The following ATP8A2 variants were observed in gnomAD, a reference collection of about 807,000 sequenced individuals.
The protein encoded by ATP8A2 is phospholipid-transporting ATPase IB.
ATP8A2 carries 100 observed loss-of-function variants against 165.6 expected under a neutral mutation model. That is an observed-to-expected ratio of 0.60 (90% CI 0.51 to 0.71). The LOEUF is 0.71. Ranked by LOEUF, ATP8A2 falls within the 30% of genes least tolerant of loss-of-function variation. ATP8A2 has a pLI of 0.00. For synonymous variants in ATP8A2, 543 were observed against 548.8 expected, an observed-to-expected ratio of 0.99 and a Z score of 0.15; for missense variants, 1,227 against 1,479.5, an observed-to-expected ratio of 0.83 and a Z score of 2.80.
chr13:25,424,501 G>C (rs1232096438), intron 1 of ATP8A2, among the ~76,000 whole-genome samples: 1 of 152,170 alleles, frequency 6.6e-6, no homozygotes, highest in African/African-American at 2.4e-5. Flanking sequence ...CTCTGAGCAG[G>C]ATGTCTCAGT....
rs571345068 is a variant in ATP8A2 at position 25,814,689 on chromosome 13, A to G, written c.2680-13429A>G. On this transcript the variant is annotated intron_variant, in intron 27 of 36. Transcript: ENST00000381655. Reference sequence around the variant, plus strand: ...AAACTGGATATCCAGATGCAAAATAATGAAGTTGGACCCTTACTTAACACC... The same window carrying G: ...AAACTGGATATCCAGATGCAAAATAGTGAAGTTGGACCCTTACTTAACACC... 3.9e-5 allele frequency among the ~76,000 whole-genome samples: 6 copies of G among 152,082 alleles called. No homozygotes were observed. The East Asian group carries it at 1.2e-3, about 29-fold the overall frequency.
intron 1 of ATP8A2, among the ~76,000 whole-genome samples, chr13:25,426,986 G>A (rs1455823188): frequency 1.3e-5 from 2 of 152,078 alleles, no homozygotes; most frequent in African/African-American, 4.8e-5. Context: ...GTCAGTATCA[G>A]TTCATCACTT....
At chr13:25,557,444 T>A (rs1244065375) in intron 13 of ATP8A2, among the ~76,000 whole-genome samples, 1 of 152,210 alleles carries the variant, frequency 6.6e-6, no homozygotes, top group Non-Finnish European at 1.5e-5. Context: ...CCTGTAAGAA[T>A]CAGTGAGTTC....
chr13:25,399,900 A>ATTCTTCTCCTCCTTC (rs74222346), intron 1 of ATP8A2, among the ~76,000 whole-genome samples: 120,582 of 143,166 alleles, frequency 0.84, 50,715 homozygotes, highest in East Asian at 0.95. Context: ...TCCTCCTCTT[A>ATTCTTCTCCTCCTTC]TTCTTCTCCT....
intron 33 of ATP8A2, among the ~76,000 whole-genome samples, chr13:25,943,009 G>A (rs1488326273): frequency 2.0e-5 from 3 of 151,990 alleles, no homozygotes; most frequent in Non-Finnish European, 2.9e-5. Flanking sequence ...TCATGTCCCC[G>A]CTGAGAGTCT....
chr13:25,847,521 AG>A (rs1363561834), intron 30 of ATP8A2, among the ~76,000 whole-genome samples: 1 of 152,132 alleles, frequency 6.6e-6, no homozygotes, highest in African/African-American at 2.4e-5. Flanking sequence ...TATTTTAGAC[AG>A]TTGGGTTTGG....
At chr13:25,394,389 T>A (rs2033349105) in intron 1 of ATP8A2, among the ~76,000 whole-genome samples, 1 of 152,248 alleles carries the variant, frequency 6.6e-6, no homozygotes, top group South Asian at 2.1e-4. Flanking sequence ...TTTTGGTATC[T>A]GTGTTTTACT....
At chr13:25,469,180 C>T (rs546957142) in intron 2 of ATP8A2, 59 bp downstream of exon 2, 4 of 1,580,466 alleles carry the variant, frequency 2.5e-6, no homozygotes, top group Non-Finnish European at 2.6e-6. Flanking sequence ...GGAAGGGGCT[C>T]GTCCTCCTGC....
At chr13:25,900,917 A>C (rs772155464) in intron 33 of ATP8A2, among the ~76,000 whole-genome samples, 2 of 152,244 alleles carry the variant, frequency 1.3e-5, no homozygotes, top group Non-Finnish European at 2.9e-5. Flanking sequence ...TGACACATGG[A>C]AGCAGCAGGA....
At chr13:25,401,990 G>A (rs1405888708) in intron 1 of ATP8A2, among the ~76,000 whole-genome samples, 2 of 151,804 alleles carry the variant, frequency 1.3e-5, no homozygotes, top group African/African-American at 4.8e-5. Flanking sequence ...CCAAAATACA[G>A]AATATGGACA....
At chr13:25,862,858 A>G (rs1283320621) in intron 33 of ATP8A2, among the ~76,000 whole-genome samples, 1 of 152,150 alleles carries the variant, frequency 6.6e-6, no homozygotes, top group East Asian at 1.9e-4. Context: ...TCTATGAACC[A>G]GATCATTGAT....
intron 24 of ATP8A2, among the ~76,000 whole-genome samples, chr13:25,676,491 C>G (rs2042374758): frequency 6.6e-6 from 1 of 152,134 alleles, no homozygotes; most frequent in African/African-American, 2.4e-5. Context: ...CACGTGAACT[C>G]TGCCTCAGGA....
intron 1 of ATP8A2, among the ~76,000 whole-genome samples, chr13:25,450,195 G>C (rs1006220841): frequency 3.3e-5 from 5 of 152,170 alleles, no homozygotes; most frequent in African/African-American, 7.2e-5. Context: ...TGGTATATAT[G>C]TACCACATTT....
intron 24 of ATP8A2, among the ~76,000 whole-genome samples, chr13:25,616,512 A>G (rs2040831649): frequency 6.6e-6 from 1 of 151,668 alleles, no homozygotes; most frequent in Non-Finnish European, 1.5e-5. Flanking sequence ...TGTTATTTTT[A>G]GTAGAAATGG....
intron 33 of ATP8A2, among the ~76,000 whole-genome samples, chr13:25,899,107 G>A (rs868549643): frequency 5.3e-5 from 8 of 152,208 alleles, no homozygotes; most frequent in Non-Finnish European, 1.0e-4. Context: ...GAAATCACCC[G>A]TCTTCTGTGT....
intron 27 of ATP8A2, among the ~76,000 whole-genome samples, chr13:25,781,342 A>G (rs569394446): frequency 6.6e-6 from 1 of 152,294 alleles, no homozygotes; most frequent in South Asian, 2.1e-4. Flanking sequence ...CAGTAGATGA[A>G]TACTTTGATT....
chr13:25,895,903 A>G (rs569671667), intron 33 of ATP8A2, among the ~76,000 whole-genome samples: 1 of 151,954 alleles, frequency 6.6e-6, no homozygotes, highest in African/African-American at 2.4e-5. Flanking sequence ...TTTTTATTGC[A>G]TCCATTTGAT....
chr13:25,945,769 G>T (rs995112599), intron 33 of ATP8A2, among the ~76,000 whole-genome samples: 1 of 152,180 alleles, frequency 6.6e-6, no homozygotes, highest in Non-Finnish European at 1.5e-5. Context: ...CGGGAAGGCT[G>T]CCTGAGGGAT....
chr13:25,379,044 G>C (rs1593227927), intron 1 of ATP8A2, among the ~76,000 whole-genome samples: 2 of 152,174 alleles, frequency 1.3e-5, no homozygotes, highest in Admixed American at 6.5e-5. Context: ...CTCCAGATAG[G>C]AGAAATATTC....
Sources: gnomAD v4.1 joint callset for allele counts (sites outside exome capture counted in the v4.1 genomes callset) on GRCh38, gnomAD v4.1.1 for gene constraint, MANE v1.5 for transcripts, NCBI Gene and HGNC (gene_info 2026-07-23, HGNC 2026-07-21) for gene names.